The following DENND5B variants were observed in gnomAD, a reference collection of about 807,000 sequenced individuals.
DENND5B encodes the protein DENN domain containing 5B.
DENND5B carries 34 observed loss-of-function variants against 140.6 expected under a neutral mutation model. The ratio of observed to expected loss-of-function variants is 0.24; its 90% CI spans 0.18 to 0.32. The LOEUF is 0.32. DENND5B is among the 10% of genes least tolerant of loss of function. The pLI, the probability that DENND5B is intolerant of heterozygous loss-of-function variation, is 1.00. For synonymous variants in DENND5B, 551 were observed against 562.1 expected, an observed-to-expected ratio of 0.98 and a Z score of 0.28; for missense variants, 1,142 against 1,560.2, an observed-to-expected ratio of 0.73 and a Z score of 4.52.
At chr12:31,509,577 GTTGTT>G (rs1342754038) in intron 1 of DENND5B, among the ~76,000 whole-genome samples, 1 of 152,134 alleles carries the variant, frequency 6.6e-6, no homozygotes, top group Non-Finnish European at 1.5e-5. Context: ...AAAAAGTTTG[GTTGTT>G]TTAAGTGGCT....
intron 1 of DENND5B, among the ~76,000 whole-genome samples, chr12:31,503,486 G>A (rs1380681963): frequency 6.6e-6 from 1 of 152,214 alleles, no homozygotes; most frequent in African/African-American, 2.4e-5. Flanking sequence ...CTTGAACCCA[G>A]GAGGTGGAGG....
intron 11 of DENND5B, among the ~76,000 whole-genome samples, chr12:31,422,092 G>A (rs1943049323): frequency 6.6e-6 from 1 of 151,960 alleles, no homozygotes; most frequent in South Asian, 2.1e-4. Context: ...TTGCCCTCTA[G>A]GGGCAGTGAG....
At chr12:31,557,722 T>C (rs557116727) in intron 1 of DENND5B, among the ~76,000 whole-genome samples, 1 of 135,396 alleles carries the variant, frequency 7.4e-6, no homozygotes, top group East Asian at 2.2e-4. Context: ...TTTTAGAGAG[T>C]AGGGAAAAGG....
At position 31,461,327 on chromosome 12, in the gene DENND5B, A is replaced by G. The variant is rs548791675; in HGVS notation, c.905-946T>C. ...TCTAACCCCTAGCCACAAAACTATC[A>G]TATCTGGGTATTCTCGAGTTAACAG... is the stretch of plus-strand genomic sequence containing the variant. On this transcript the variant is annotated intron_variant, in intron 3 of 20. Coordinates refer to ENST00000389082, the MANE Select transcript of DENND5B (RefSeq NM_144973.4). 5.3e-5 allele frequency among the ~76,000 whole-genome samples: 8 copies of G among 152,296 alleles called. No homozygotes were observed. In the East Asian group the frequency reaches 7.7e-4, roughly 15 times the overall value.
chr12:31,542,899 G>C (rs1948734757), intron 1 of DENND5B, among the ~76,000 whole-genome samples: 1 of 152,122 alleles, frequency 6.6e-6, no homozygotes, highest in Non-Finnish European at 1.5e-5. Flanking sequence ...GAAGTTGCAG[G>C]GAGCCAAGAC....
intron 1 of DENND5B, among the ~76,000 whole-genome samples, chr12:31,559,806 T>C (rs1949412790): frequency 6.6e-6 from 1 of 152,158 alleles, no homozygotes; most frequent in Non-Finnish European, 1.5e-5. Flanking sequence ...GTGTTCACTC[T>C]GACCTTGAGT....
intron 4 of DENND5B, among the ~76,000 whole-genome samples, chr12:31,454,415 C>T (rs1229802867): frequency 6.6e-6 from 1 of 152,132 alleles, no homozygotes; most frequent in South Asian, 2.1e-4. Flanking sequence ...TCGCATCTTG[C>T]TGAAGACAGT....
In DENND5B at chr12:31,382,344, T is replaced by C. The variant is rs1448793188; in HGVS notation, c.*5259A>G. 1 of 152,124 alleles carries C rather than the reference T, an allele frequency of 6.6e-6. No individual in the cohort carries two copies. Among genetic ancestry groups the C allele is most frequent in the African/African-American group, 2.4e-5 (1 of 41,420 alleles). The allele number at this position is 152,124 out of a possible 1,614,324, so 9.4% of individuals were successfully genotyped here. ...GATATGTATGTTAAAGTGCTTAATA[T>C]CACAATACTCTTTCAAATTTTATAT... is the stretch of plus-strand genomic sequence containing the variant. On this transcript the variant is annotated 3_prime_UTR_variant, in exon 21 of 21. Transcript: ENST00000389082.
Position 31,424,525 on chromosome 12 carries a change from A to C in DENND5B, c.2391+10T>G. ...CTGGCCATGTCACCAGGACCTCCTAAAACTGTTACCTGCTTGACCTGCAAG... is the reference window on the plus strand; with the variant it reads ...CTGGCCATGTCACCAGGACCTCCTACAACTGTTACCTGCTTGACCTGCAAG... On this transcript the variant is annotated intron_variant, in intron 10 of 20. Coordinates refer to ENST00000389082, the MANE Select transcript of DENND5B (RefSeq NM_144973.4). The C allele has an allele frequency of 6.2e-7, 1 of 1,611,650 alleles. No homozygotes were observed.
In DENND5B at chr12:31,419,960, C is replaced by T. The variant is rs144435009; in HGVS notation, c.2470+3637G>A. ...TGCACTCTAGCCTGGGCAACAAGAG[C>T]GAAACTCCATCTCAGAAAAAAAAAA... is the stretch of plus-strand genomic sequence containing the variant. On this transcript the variant is annotated intron_variant, in intron 11 of 20. Coordinates refer to ENST00000389082, the MANE Select transcript of DENND5B (RefSeq NM_144973.4). 2.4e-3 allele frequency: 2,224 copies of T among 920,016 alleles called. 28 individuals are homozygous for T. The African/African-American group carries it at 0.047, about 19-fold the overall frequency. 57.0% of individuals were successfully genotyped at this position (920,016 alleles called of 1,614,324 possible).
At chr12:31,526,048 T>A (rs966648076) in intron 1 of DENND5B, among the ~76,000 whole-genome samples, 22 of 152,314 alleles carry the variant, frequency 1.4e-4, no homozygotes, top group Admixed American at 1.4e-3. Flanking sequence ...TTAAATGTGA[T>A]CTTCTCCCTA....
rs140593909 is a variant in DENND5B at position 31,468,950 on chromosome 12, C to T, written c.905-8569G>A. Among the ~76,000 whole-genome samples the T allele has an allele frequency of 4.1e-3, 627 of 152,058 alleles. 4 individuals are homozygous for T. Among genetic ancestry groups the T allele is most frequent in the African/African-American group, 0.014 (571 of 41,470 alleles). ...ACAGATATAACAGGGGTCAAGAAAA[C>T]AAGGAAATATTAAGACTTTTTGCTA... On this transcript the variant is annotated intron_variant, in intron 3 of 20. Transcript: ENST00000389082.
At chr12:31,462,958 G>GAA (rs568620155) in intron 3 of DENND5B, among the ~76,000 whole-genome samples, 1 of 147,402 alleles carries the variant, frequency 6.8e-6, no homozygotes, top group Non-Finnish European at 1.5e-5. Flanking sequence ...CTCCGTCTCA[G>GAA]AAAAAAAAAC....
Position 31,479,837 on chromosome 12 carries a change from T to C in DENND5B, c.656A>G (p.Gln219Arg). The C allele has an allele frequency of 6.2e-7, 1 of 1,613,962 alleles. No homozygotes were observed. The highest frequency in any genetic ancestry group is 8.5e-7 in the Non-Finnish European group (1 of 1,179,856). The change falls in exon 3 of 21, where the codon CAG becomes CGG. Residue 219 changes from glutamine (Q) to arginine (R), a missense_variant. By Grantham distance (43) the Gln-to-Arg change is conservative. Transcript: ENST00000389082. ...IQLYKAVTSQ[Q>R]PPPLPLESYI... ...GCTTTCAAGTGGCAAGGGTGGTGGC[T>C]GCTGTGAGGTAACAGCCTTGTAAAG...
chr12:31,491,412 C>G (rs1946522723), intron 2 of DENND5B, among the ~76,000 whole-genome samples: 1 of 152,106 alleles, frequency 6.6e-6, no homozygotes, highest in Non-Finnish European at 1.5e-5. Flanking sequence ...CAAGATTGCA[C>G]CACTGAACTG....
chr12:31,386,897 C>T lies in DENND5B; in HGVS notation c.*706G>A, dbSNP rs1940875651. 6.6e-6 allele frequency: 1 copy of T among 152,054 alleles called. No homozygotes were observed. Among genetic ancestry groups the T allele is most frequent in the Non-Finnish European group, 1.5e-5 (1 of 68,018 alleles). The allele number at this position is 152,054 out of a possible 1,614,324, so 9.4% of individuals were successfully genotyped here. ...TCCGAAGTGTAAAGAAGTTATAATC[C>T]CACAATTGAACACATTTCTCAGAGC... On this transcript the variant is annotated 3_prime_UTR_variant, in exon 21 of 21. Coordinates refer to ENST00000389082, the MANE Select transcript of DENND5B (RefSeq NM_144973.4).
At chr12:31,405,025 G>C (rs1362351004) in intron 14 of DENND5B, among the ~76,000 whole-genome samples, 1 of 152,044 alleles carries the variant, frequency 6.6e-6, no homozygotes, top group Non-Finnish European at 1.5e-5. Flanking sequence ...CTCCCAAAGT[G>C]CTGGGATTAC....
intron 2 of DENND5B, among the ~76,000 whole-genome samples, chr12:31,485,256 C>T (rs1946255682): frequency 6.6e-6 from 1 of 152,226 alleles, no homozygotes. Context: ...GCTATGCAGT[C>T]ATGCCTCATC....
At chr12:31,423,043 C>T (rs1445130722) in intron 11 of DENND5B, among the ~76,000 whole-genome samples, 2 of 151,194 alleles carry the variant, frequency 1.3e-5, no homozygotes, top group Non-Finnish European at 2.9e-5. Context: ...CGGGTTCAAG[C>T]GATTCTCCTG....
Sources: allele counts gnomAD v4.1 joint callset (sites outside exome capture counted in the v4.1 genomes callset), GRCh38; gene constraint gnomAD v4.1.1; transcripts MANE v1.5; gene names NCBI Gene and HGNC (gene_info 2026-07-23, HGNC 2026-07-21).